Variants in ABCA7 observed in about 807,000 individuals in gnomAD.
ABCA7 encodes ATP binding cassette subfamily A member 7, also known as phospholipid-transporting ATPase ABCA7.
Under a neutral mutation model 227.6 loss-of-function variants are expected in ABCA7, and 261 were observed. The observed-to-expected ratio is 1.15, with a 90% CI of 1.04 to 1.27. The LOEUF (loss-of-function observed/expected upper bound fraction) is 1.27, where lower values mean the gene tolerates loss of function less well. Ranked by LOEUF, ABCA7 falls within the 50% of genes most tolerant of loss-of-function variation. The pLI, the probability that ABCA7 is intolerant of heterozygous loss-of-function variation, is 0.00. For synonymous variants in ABCA7, 1,488 were observed against 1,279.7 expected, an observed-to-expected ratio of 1.16 and a Z score of -3.47; for missense variants, 3,331 against 2,924.5, an observed-to-expected ratio of 1.14 and a Z score of -3.21.
At position 1,050,956 on chromosome 19, in the gene ABCA7, G is replaced by A. The variant is rs964304757; in HGVS notation, c.2588G>A (p.Gly863Asp). Residue 863 changes from glycine to aspartate, a missense_variant, in exon 19 of 47, where the codon GGC becomes GAC. Physicochemically the swap from Gly to Asp is moderately conservative, Grantham distance 94. Transcript: ENST00000263094. The stretch of plus-strand genomic sequence containing the variant: ...AGTGGCCTCTTCCCACCCAGTGGTG[G>A]CTCTGCCTTCATCCTGGGCCACGAC... The part of the protein sequence containing the change: ...ILSGLFPPSG[G>D]SAFILGHDVR... 6.2e-7 allele frequency: 1 copy of A among 1,611,582 alleles called. No homozygotes were observed. The highest frequency in any genetic ancestry group is 1.1e-5 in the South Asian group (1 of 90,922).
chr19:1,052,170 T>C (rs755125913), intron 22 of ABCA7, 44 bp downstream of exon 22: 2 of 1,604,434 alleles, frequency 1.2e-6, no homozygotes, highest in African/African-American at 2.7e-5. Flanking sequence ...CGGGACTCTG[T>C]TCAGCCCTGA....
chr19:1,046,754 G>GT (rs1568269534), intron 13 of ABCA7, 48 bp from the exon 14 acceptor site: 2 of 1,505,394 alleles, frequency 1.3e-6, no homozygotes, highest in East Asian at 2.5e-5. Flanking sequence ...GGCGGAGGGG[G>GT]GGTCTGCGGA....
intron 10 of ABCA7, among the ~76,000 whole-genome samples, chr19:1,044,262 T>A (rs4147906): frequency 0.11 from 14,871 of 134,312 alleles, 680 homozygotes; most frequent in East Asian, 0.32. Context: ...TTTTTTTTTT[T>A]TAAGAGATGG....
In ABCA7 at chr19:1,065,386, G is replaced by C; in HGVS notation, c.6402G>C (p.Gln2134His). 1.9e-6 allele frequency: 3 copies of C among 1,613,598 alleles called. No homozygotes were observed. Among genetic ancestry groups the C allele is most frequent in the Non-Finnish European group, 2.5e-6 (3 of 1,179,992 alleles). Residue 2134 changes from glutamine to histidine, a missense_variant, in exon 47 of 47, where the codon CAG (glutamine) becomes CAC (histidine). By Grantham distance (24) the Gln-to-His change is conservative (BLOSUM62 0). Coordinates refer to ENST00000263094, the MANE Select transcript of ABCA7 (RefSeq NM_019112.4). The stretch of plus-strand genomic sequence containing the variant: ...TGCAGCACCCCAAACGCGTCAGCCA[G>C]TTCCTCGATGACCCTAGCACTGCCG... ...PGLQHPKRVS[Q>H]FLDDPSTAET...
chr19:1,043,252 G>A lies in ABCA7; in HGVS notation c.790+1G>A. ...TCCGCCCTGCCAGACAGCAGCCTGA[G>A]TGAGTGACTGACCTCGGTTTCCCCT... On this transcript the variant is annotated splice_donor_variant, in intron 8 of 46. Coordinates refer to ENST00000263094, the MANE Select transcript of ABCA7 (RefSeq NM_019112.4). LOFTEE classifies it high-confidence loss of function. 6.2e-7 allele frequency: 1 copy of A among 1,608,018 alleles called. No homozygotes were observed. The highest frequency in any genetic ancestry group is 1.1e-5 in the South Asian group (1 of 90,790).
At chr19:1,042,604 G>A in intron 6 of ABCA7, 142 bp from the exon 7 acceptor site, 1 of 1,037,128 alleles carries the variant, frequency 9.6e-7, no homozygotes, top group Admixed American at 1.8e-5. Flanking sequence ...TCTCCAATGA[G>A]TCCCTTTGCC....
chr19:1,062,686 C>T (rs777549947), intron 42 of ABCA7, among the ~76,000 whole-genome samples: 7 of 151,938 alleles, frequency 4.6e-5, no homozygotes, highest in African/African-American at 7.3e-5. Context: ...TCACTCTGGC[C>T]GTTCCCAGTT....
Position 1,049,358 on chromosome 19 carries a change from C to G in ABCA7, c.2473C>G (p.Arg825Gly), listed in dbSNP as rs150412128. The change falls in exon 18 of 47, where the codon CGG (arginine) becomes GGG (glycine). Residue 825 changes from arginine (R) to glycine (G), a missense_variant. Physicochemically the swap from Arg to Gly is moderately radical, Grantham distance 125 (BLOSUM62 -2). Coordinates refer to ENST00000263094, the MANE Select transcript of ABCA7 (RefSeq NM_019112.4). The stretch of plus-strand genomic sequence containing the variant: ...TCCTGGAAGCCCGCAGCCAGCCCTG[C>G]GGGGGCTCAGCCTGGACTTCTACCA... ...RFPGSPQPAL[R>G]GLSLDFYQGH... 9.1e-5 allele frequency: 147 copies of G among 1,611,410 alleles called. No homozygotes were observed. Among genetic ancestry groups the G allele is most frequent in the Non-Finnish European group, 1.2e-4 (137 of 1,179,218 alleles).
rs767377773 is a variant in ABCA7 at position 1,048,962 on chromosome 19, C to T, written c.2337C>T (p.Pro779=). Residue 779 remains proline, a synonymous_variant, in exon 17 of 47, where the codon CCC becomes CCT. Coordinates refer to ENST00000263094, the MANE Select transcript of ABCA7 (RefSeq NM_019112.4). ...GGAGCTACTGGTGCGGACCTCGGCC[C>T]CCCAAGAGTCCAGCCCCTTGCCCCA... ...FRRSYWCGPR[P]PKSPAPCPTP... 25 of 1,608,974 alleles carry T rather than the reference C, an allele frequency of 1.6e-5. No individual in the cohort carries two copies. Among genetic ancestry groups the T allele is most frequent in the Non-Finnish European group, 2.0e-5 (24 of 1,178,258 alleles).
chr19:1,051,865 A>T, intron 21 of ABCA7, 77 bp from the exon 22 acceptor site: 1 of 1,555,230 alleles, frequency 6.4e-7, no homozygotes. Flanking sequence ...TGGGGCAGAC[A>T]ACTCCTGGCA....
intron 16 of ABCA7, among the ~76,000 whole-genome samples, 180 bp from the exon 17 acceptor site, chr19:1,048,715 A>C (rs2041009164): frequency 6.7e-6 from 1 of 149,476 alleles, no homozygotes; most frequent in Admixed American, 6.7e-5. Flanking sequence ...AGGCTGAGGC[A>C]GGAGAATGAC....
rs750016462 is a variant in ABCA7 at position 1,056,935 on chromosome 19, T to C, written c.4615T>C (p.Ser1539Pro). The stretch of plus-strand genomic sequence containing the variant: ...GGCCTCCTCGGTGGACGTCCTCGTC[T>C]CCATCTGTGTGGTCTTTGCCATGTC... Reference protein sequence around the residue: ...LMASSVDVLVSICVVFAMSFV... With the variant: ...LMASSVDVLVPICVVFAMSFV... Residue 1539 changes from serine (S) to proline (P), a missense_variant, in exon 34 of 47, where the codon TCC (serine) becomes CCC (proline). Coordinates refer to ENST00000263094, the MANE Select transcript of ABCA7 (RefSeq NM_019112.4). The surrounding 1 kb of genome is among the most constrained non-coding windows in gnomAD (Gnocchi z 4.3). 1.2e-6 allele frequency: 2 copies of C among 1,614,004 alleles called. No homozygotes were observed. Among genetic ancestry groups the C allele is most frequent in the South Asian group, 2.2e-5 (2 of 91,084 alleles).
chr19:1,045,259 G>T, intron 12 of ABCA7, 28 bp downstream of exon 12: 2 of 1,505,860 alleles, frequency 1.3e-6, no homozygotes, highest in East Asian at 2.3e-5. Context: ...GCGGGGGGAT[G>T]AGGGACTGGG....
In ABCA7 at chr19:1,052,067, G is replaced by T; in HGVS notation, c.3088G>T (p.Gly1030Cys). The change falls in exon 22 of 47, where the codon GGC becomes TGC. Residue 1030 changes from glycine to cysteine, a missense_variant. Transcript: ENST00000263094. The part of the protein sequence containing the change: ...GSPLFLRRHL[G>C]SGYYLTLVKA... ...CCCACTCTTCCTGCGCCGTCACCTG[G>T]GCTCCGGCTACTACCTGACGCTGGT... 2 of 1,612,314 alleles carry T rather than the reference G, an allele frequency of 1.2e-6. No homozygotes were observed. The highest frequency in any genetic ancestry group is 1.7e-6 in the Non-Finnish European group (2 of 1,179,886).
chr19:1,051,320 C>T (rs757282989), intron 20 of ABCA7, 26 bp downstream of exon 20: 50 of 1,540,646 alleles, frequency 3.2e-5, no homozygotes, highest in Non-Finnish European at 4.2e-5. Flanking sequence ...AGGGAGGTCA[C>T]CTCACAGGGA....
rs1212199942 is a variant in ABCA7 at position 1,059,074 on chromosome 19, C to A, written c.5452C>A (p.Pro1818Thr). The A allele has an allele frequency of 1.2e-6, 2 of 1,613,036 alleles. No individual in the cohort carries two copies. The highest frequency in any genetic ancestry group is 1.7e-6 in the Non-Finnish European group (2 of 1,179,844). The change falls in exon 40 of 47, where the codon CCC becomes ACC. Residue 1818 changes from proline to threonine, a missense_variant. Transcript: ENST00000263094. ...PAVDRLCLGI[P>T]PGECFGLLGV... The stretch of plus-strand genomic sequence containing the variant: ...TGTTGACCGCTTGTGCCTGGGGATT[C>A]CCCCTGGTGAGGTGAGTCCAGGGGT...
At position 1,044,987 on chromosome 19, in the gene ABCA7, C is replaced by T; in HGVS notation, c.1216-15C>T. ...GCGGACCCCAGCGCCTAGGACTCAC[C>T]CCCGCATCCCACAGTGCCTGTCCTT... On this transcript the variant is annotated splice_polypyrimidine_tract_variant and intron_variant, in intron 11 of 46. Coordinates refer to ENST00000263094, the MANE Select transcript of ABCA7 (RefSeq NM_019112.4). The T allele has an allele frequency of 6.2e-7, 1 of 1,611,446 alleles. No homozygotes were observed. Among genetic ancestry groups the T allele is most frequent in the Non-Finnish European group, 8.5e-7 (1 of 1,179,326 alleles).
rs1318881248 is a variant in ABCA7, at chr19:1,053,534, G to A, written c.3423+3G>A. The A allele has an allele frequency of 1.3e-6, 2 of 1,558,520 alleles. No individual in the cohort carries two copies. Among genetic ancestry groups the A allele is most frequent in the African/African-American group, 1.4e-5 (1 of 73,580 alleles). Reference sequence around the variant, plus strand: ...TCTCCGACACCAGCCTCGAGGAGGTGTGAGGCCTGGGTGGTGGTGAGGTGG... The same window carrying A: ...TCTCCGACACCAGCCTCGAGGAGGTATGAGGCCTGGGTGGTGGTGAGGTGG... On this transcript the variant is annotated splice_donor_region_variant and intron_variant, in intron 24 of 46. Coordinates refer to ENST00000263094, the MANE Select transcript of ABCA7 (RefSeq NM_019112.4).
chr19:1,058,097 G>A (rs2042408330), intron 36 of ABCA7, 38 bp downstream of exon 36: 2 of 1,613,944 alleles, frequency 1.2e-6, no homozygotes, highest in Non-Finnish European at 1.7e-6. Context: ...GCTGGGTTGG[G>A]TCGTTGGACT....
Sources: gnomAD v4.1 joint callset for allele counts (sites outside exome capture counted in the v4.1 genomes callset) on GRCh38, gnomAD v4.1.1 for gene constraint, Gnocchi (gnomAD v3.1) non-coding constraint, MANE v1.5 for transcripts, NCBI Gene and HGNC (gene_info 2026-07-23, HGNC 2026-07-21) for gene names.